The following TSHZ2 variants were observed in gnomAD, a reference collection of about 807,000 sequenced individuals.
TSHZ2 encodes teashirt zinc finger homeobox 2, also known as teashirt homolog 2.
TSHZ2 carries 21 observed loss-of-function variants against 74.4 expected under a neutral mutation model. That is an observed-to-expected ratio of 0.28 (90% confidence interval 0.20 to 0.41). The LOEUF is 0.41. TSHZ2 is among the 10% of genes least tolerant of loss of function. TSHZ2 has a pLI of 1.00. For missense variants in TSHZ2, 1,244 were observed against 1,293.5 expected (o/e 0.96, Z 0.59); for synonymous variants, 540 against 515.3 (o/e 1.05, Z -0.65).
chr20:53,141,368 C>T (rs915026346), intron 1 of TSHZ2, among the ~76,000 whole-genome samples: 1 of 152,170 alleles, frequency 6.6e-6, no homozygotes, highest in Non-Finnish European at 1.5e-5. Context: ...GTTTTAATGA[C>T]AGCTTGAGAG....
intron 2 of TSHZ2, among the ~76,000 whole-genome samples, chr20:53,402,223 G>A (rs1352574727): frequency 2.0e-5 from 3 of 152,334 alleles, no homozygotes; most frequent in South Asian, 2.1e-4. Flanking sequence ...TGTAGTGGGA[G>A]TGCTGGATCA....
At chr20:53,000,384 GT>G (rs1982367069) in intron 1 of TSHZ2, among the ~76,000 whole-genome samples, 1 of 151,998 alleles carries the variant, frequency 6.6e-6, no homozygotes, top group Non-Finnish European at 1.5e-5. Context: ...TTTCCAACTT[GT>G]TGTATGTGTA....
At chr20:53,459,686 C>G (rs529697598) in intron 2 of TSHZ2, among the ~76,000 whole-genome samples, 1 of 141,780 alleles carries the variant, frequency 7.1e-6, no homozygotes, top group Admixed American at 7.2e-5. Context: ...GATTTTGCAG[C>G]GGCTGGTACC....
chr20:53,376,104 G>A (rs1981648767), intron 2 of TSHZ2, among the ~76,000 whole-genome samples: 1 of 152,216 alleles, frequency 6.6e-6, no homozygotes, highest in South Asian at 2.1e-4. Flanking sequence ...GGAGAAGTTA[G>A]CCAAGTGAGA....
At chr20:53,185,705 A>C in intron 1 of TSHZ2, 1 of 1,536,108 alleles carries the variant, frequency 6.5e-7, no homozygotes. Context: ...TTGCTGCTAG[A>C]AAGTCATCCC....
intron 1 of TSHZ2, among the ~76,000 whole-genome samples, chr20:53,202,097 T>C (rs1487149928): frequency 6.6e-6 from 1 of 152,198 alleles, no homozygotes; most frequent in Non-Finnish European, 1.5e-5. Flanking sequence ...CACACCTTTG[T>C]TGTCAGCTTC....
chr20:52,986,706 G>A (rs574056180), intron 1 of TSHZ2, among the ~76,000 whole-genome samples: 7 of 152,212 alleles, frequency 4.6e-5, no homozygotes, highest in African/African-American at 1.4e-4. Flanking sequence ...TCCAGCCTGG[G>A]CAACAGAGTG....
chr20:53,119,962 T>C (rs1035207680), intron 1 of TSHZ2, among the ~76,000 whole-genome samples: 2 of 152,248 alleles, frequency 1.3e-5, no homozygotes, highest in African/African-American at 4.8e-5. Flanking sequence ...TTCTAACTGT[T>C]TGAGGTGCCT....
In TSHZ2 at chr20:53,492,437, A is replaced by C. The variant is rs1398429779; in HGVS notation, c.*5302A>C. ...ACTTGAGCTTTCGAACACCTCAGACACTAGAATGTGTAATGCGAGTCAAAA... is the reference window on the plus strand; with the variant it reads ...ACTTGAGCTTTCGAACACCTCAGACCCTAGAATGTGTAATGCGAGTCAAAA... On this transcript the variant is annotated 3_prime_UTR_variant, in exon 3 of 3. Transcript: ENST00000371497. 2 of 152,244 alleles carry C rather than the reference A, an allele frequency of 1.3e-5. No individual in the cohort carries two copies. Among genetic ancestry groups the C allele is most frequent in the African/African-American group, 2.4e-5 (1 of 41,464 alleles). The allele number at this position is 152,244 out of a possible 1,614,324, so 9.4% of individuals were successfully genotyped here. A position where few individuals can be genotyped will look rare whatever the true frequency, so the allele number is the denominator to read the frequency against.
chr20:52,983,895 C>G (rs144826712), intron 1 of TSHZ2, among the ~76,000 whole-genome samples: 2,417 of 152,338 alleles, frequency 0.016, 27 homozygotes, highest in Middle Eastern at 0.027. Context: ...GACCTGGCAA[C>G]TCTGTCCCTC....
intron 1 of TSHZ2, among the ~76,000 whole-genome samples, chr20:53,207,982 G>A (rs963916551): frequency 2.0e-5 from 3 of 150,964 alleles, no homozygotes; most frequent in African/African-American, 4.9e-5. Flanking sequence ...TGACAGGCAG[G>A]AGCCACCATG....
chr20:53,380,801 A>C (rs1307513483), intron 2 of TSHZ2, among the ~76,000 whole-genome samples: 1 of 152,234 alleles, frequency 6.6e-6, no homozygotes, highest in African/African-American at 2.4e-5. Context: ...GTGAGGGTTC[A>C]AGAGAATGGC....
At chr20:52,981,112 G>C (rs1193759109) in intron 1 of TSHZ2, among the ~76,000 whole-genome samples, 1 of 152,146 alleles carries the variant, frequency 6.6e-6, no homozygotes, top group Non-Finnish European at 1.5e-5. Flanking sequence ...TAGAAAGTTG[G>C]GTACACTGCT....
Position 52,973,903 on chromosome 20 carries a change from A to C in TSHZ2, c.40+570A>C, listed in dbSNP as rs1453183786. On this transcript the variant is annotated intron_variant, in intron 1 of 2. Transcript: ENST00000371497. ...GCATATATTTTCTAAAAGGATCCAT[A>C]TTTGGAAATGTAATTAACAATTTCC... Among the ~76,000 whole-genome samples, 3 of 152,216 alleles carry C rather than the reference A, an allele frequency of 2.0e-5. No homozygotes were observed. The East Asian group carries it at 5.8e-4, about 29-fold the overall frequency.
chr20:53,253,564 A>G lies in TSHZ2; in HGVS notation c.106A>G (p.Ser36Gly). 6.2e-7 allele frequency: 1 copy of G among 1,614,002 alleles called. No individual in the cohort carries two copies. Among genetic ancestry groups the G allele is most frequent in the South Asian group, 1.1e-5 (1 of 91,056 alleles). ...AAAAGAAGAGGAGGAGGAGGAGGAC[A>G]GCGGTTCAGTAGCTCAACTGCAGGG... ...EIKEEEEEEDSGSVAQLQGGN... is the reference protein window; with the variant it reads ...EIKEEEEEEDGGSVAQLQGGN... The change falls in exon 2 of 3, where the codon AGC becomes GGC. Residue 36 changes from serine (S) to glycine (G), a missense_variant. Around this residue, in one of 6 missense-constraint regions of TSHZ2, gnomAD observed 470 missense variants for 456.5 expected, o/e 1.03. Coordinates refer to ENST00000371497, the MANE Select transcript of TSHZ2 (RefSeq NM_173485.6).
chr20:53,108,456 T>C (rs960056741), intron 1 of TSHZ2, among the ~76,000 whole-genome samples: 9 of 152,224 alleles, frequency 5.9e-5, no homozygotes, highest in Non-Finnish European at 8.8e-5. Flanking sequence ...TTTACAATTA[T>C]AGCTGGAAGA....
chr20:53,445,601 A>G (rs1984516897), intron 2 of TSHZ2, among the ~76,000 whole-genome samples: 1 of 152,208 alleles, frequency 6.6e-6, no homozygotes, highest in Non-Finnish European at 1.5e-5. Flanking sequence ...TTGGCAATGG[A>G]AAGTGGCCAA....
chr20:53,159,436 A>C (rs1286656739), intron 1 of TSHZ2, among the ~76,000 whole-genome samples: 9 of 152,322 alleles, frequency 5.9e-5, no homozygotes, highest in Non-Finnish European at 5.9e-5. Context: ...TACAGAGACC[A>C]TGTGACCCTC....
chr20:53,466,731 G>C (rs774595473), intron 2 of TSHZ2, among the ~76,000 whole-genome samples: 41 of 152,154 alleles, frequency 2.7e-4, no homozygotes, highest in Non-Finnish European at 5.9e-5. Flanking sequence ...TAACACTGAA[G>C]CCACCAGGGA....
Sources: gnomAD v4.1 joint callset for allele counts (sites outside exome capture counted in the v4.1 genomes callset) on GRCh38, gnomAD v4.1.1 for gene constraint, gnomAD v4.1.1 regional missense constraint, MANE v1.5 for transcripts, NCBI Gene and HGNC (gene_info 2026-07-23, HGNC 2026-07-21) for gene names.